CNKSR3: variants seen among roughly 807,000 people sequenced by gnomAD.
CNKSR3 encodes the protein connector enhancer of kinase suppressor of ras 3.
A neutral mutation model predicts 67.7 loss-of-function variants in CNKSR3; 36 were observed. That is an observed-to-expected ratio of 0.53 (90% CI 0.41 to 0.70). The LOEUF is 0.70. CNKSR3 is among the 30% of genes least tolerant of loss of function. The pLI, the probability that CNKSR3 is intolerant of heterozygous loss-of-function variation, is 0.00. For missense variants in CNKSR3, 630 were observed against 695.2 expected (o/e 0.91, Z 1.05); for synonymous variants, 281 against 271.4 (o/e 1.04, Z -0.35).
intron 1 of CNKSR3, among the ~76,000 whole-genome samples, chr6:154,465,870 A>C (rs887304364): frequency 3.3e-5 from 5 of 152,174 alleles, no homozygotes; most frequent in African/African-American, 1.2e-4. Flanking sequence ...TAACACTCAA[A>C]AATACAGGTG....
In CNKSR3 at chr6:154,404,730, G is replaced by A. The variant is rs9479835; in HGVS notation, c.*1624C>T. On this transcript the variant is annotated 3_prime_UTR_variant, in exon 13 of 13. Transcript: ENST00000607772. ...ACCTATAATCCCAGCTACATGGGAG[G>A]CTGAGGCAGGAGAATCGCTTGAACC... 0.068 allele frequency: 10,406 copies of A among 152,430 alleles called. 574 individuals carry two copies. The highest frequency in any genetic ancestry group is 0.2 in the Admixed American group (3,115 of 15,280). The allele number at this position is 152,430 out of a possible 1,614,324, so 9.4% of individuals were successfully genotyped here.
rs950807425 is a variant in CNKSR3 at position 154,394,045 on chromosome 6, G to A, written c.*12309C>T. The A allele has an allele frequency of 3.3e-5, 5 of 152,076 alleles. No homozygotes were observed. The highest frequency in any genetic ancestry group is 7.3e-5 in the Non-Finnish European group (5 of 68,034). 9.4% of individuals were successfully genotyped at this position (152,076 alleles called of 1,614,324 possible). A position where few individuals can be genotyped will look rare whatever the true frequency, so the allele number is the denominator to read the frequency against. On this transcript the variant is annotated 3_prime_UTR_variant, in exon 13 of 13. Coordinates refer to ENST00000607772, the MANE Select transcript of CNKSR3 (RefSeq NM_173515.4). ...ATTTCTTTTCTTTTGTGAGATGAGGGTTTTGCTTTGTCATCCAGACTGGAG... is the reference window on the plus strand; with the variant it reads ...ATTTCTTTTCTTTTGTGAGATGAGGATTTTGCTTTGTCATCCAGACTGGAG...
intron 2 of CNKSR3, among the ~76,000 whole-genome samples, chr6:154,445,967 C>G (rs1358645427): frequency 2.6e-5 from 4 of 152,170 alleles, no homozygotes; most frequent in Non-Finnish European, 5.9e-5. Flanking sequence ...GGATTATTGA[C>G]TTAAGTGCCC....
chr6:154,488,377 T>C (rs941618604), intron 1 of CNKSR3, among the ~76,000 whole-genome samples: 1 of 152,248 alleles, frequency 6.6e-6, no homozygotes, highest in African/African-American at 2.4e-5. Flanking sequence ...ACATTTGTAC[T>C]TTTTTATTTC....
chr6:154,510,063 C>G lies in CNKSR3; in HGVS notation c.52G>C (p.Gly18Arg). 3 of 1,614,036 alleles carry G rather than the reference C, an allele frequency of 1.9e-6. No individual in the cohort carries two copies. Among genetic ancestry groups the G allele is most frequent in the Non-Finnish European group, 2.5e-6 (3 of 1,179,972 alleles). ...CCGGACCCCCCCAAGGCCCGCGCAC[C>G]TCTAGTCCAGTCCACCACTTGTTTG... Reference protein sequence around the residue: ...SPKQVVDWTRGLDDCLQQYVH... With the variant: ...SPKQVVDWTRRLDDCLQQYVH... Residue 18 changes from glycine to arginine, a missense_variant and splice_region_variant, in exon 1 of 13, where the codon GGG becomes CGG. Physicochemically the swap from Gly to Arg is moderately radical, Grantham distance 125. This residue lies in a region of CNKSR3 where 189 missense variants were observed against 205.0 expected (regional missense o/e 0.92). Transcript: ENST00000607772.
chr6:154,448,095 G>A (rs902267020), intron 2 of CNKSR3, among the ~76,000 whole-genome samples: 1 of 152,040 alleles, frequency 6.6e-6, no homozygotes, highest in African/African-American at 2.4e-5. Flanking sequence ...GGTCTACAAA[G>A]GAAATTAGAA....
chr6:154,509,793 C>A (rs1787177210), intron 1 of CNKSR3, among the ~76,000 whole-genome samples: 1 of 152,204 alleles, frequency 6.6e-6, no homozygotes, highest in Non-Finnish European at 1.5e-5. Flanking sequence ...ATCCCCAGCC[C>A]TCAACCGCCA....
intron 9 of CNKSR3, among the ~76,000 whole-genome samples, chr6:154,417,112 A>G (rs548753228): frequency 6.6e-6 from 1 of 152,168 alleles, no homozygotes; most frequent in South Asian, 2.1e-4. Flanking sequence ...AATACCTAAC[A>G]TCTCTTCCTT....
At chr6:154,494,442 A>G (rs1189449932) in intron 1 of CNKSR3, among the ~76,000 whole-genome samples, 3 of 152,214 alleles carry the variant, frequency 2.0e-5, no homozygotes, top group African/African-American at 7.2e-5. Context: ...AACTGTATCA[A>G]TGGGGTTTGT....
chr6:154,460,771 C>T (rs1247888404), intron 1 of CNKSR3, among the ~76,000 whole-genome samples: 2 of 152,206 alleles, frequency 1.3e-5, no homozygotes, highest in Non-Finnish European at 1.5e-5. Context: ...TTCATGCTTA[C>T]GCTGAATGAA....
rs1471857441 is a variant in CNKSR3, at chr6:154,398,117, G to C, written c.*8237C>G. 1.3e-5 allele frequency: 2 copies of C among 152,306 alleles called. No homozygotes were observed. The highest frequency in any genetic ancestry group is 4.8e-5 in the African/African-American group (2 of 41,454). 9.4% of individuals were successfully genotyped at this position (152,306 alleles called of 1,614,324 possible). A position where few individuals can be genotyped will look rare whatever the true frequency, so the allele number is the denominator to read the frequency against. ...GGAGGACACAATCACAAGAGCCAAA[G>C]CAGGGAAGGGGCAGGGAAAAAGTGG... On this transcript the variant is annotated 3_prime_UTR_variant, in exon 13 of 13. Transcript: ENST00000607772.
intron 1 of CNKSR3, among the ~76,000 whole-genome samples, chr6:154,481,206 T>C (rs1786560169): frequency 6.6e-6 from 1 of 152,180 alleles, no homozygotes; most frequent in Non-Finnish European, 1.5e-5. Context: ...ATTTATTTGA[T>C]AGCAGTCTTA....
At chr6:154,437,589 T>A (rs1280979017) in intron 4 of CNKSR3, among the ~76,000 whole-genome samples, 1 of 152,002 alleles carries the variant, frequency 6.6e-6, no homozygotes, top group Non-Finnish European at 1.5e-5. Context: ...GTGATTTTTG[T>A]ATTTTTAGTA....
chr6:154,434,479 C>T (rs9397719), intron 4 of CNKSR3, among the ~76,000 whole-genome samples: 60,790 of 152,006 alleles, frequency 0.4, 12,693 homozygotes, highest in Non-Finnish European at 0.47. Flanking sequence ...AGATTTTTCA[C>T]GTCAATCAAA....
At chr6:154,456,979 T>C (rs1785973880) in intron 1 of CNKSR3, among the ~76,000 whole-genome samples, 1 of 152,124 alleles carries the variant, frequency 6.6e-6, no homozygotes. Flanking sequence ...GGGGTACATT[T>C]ACACCTGACC....
intron 1 of CNKSR3, among the ~76,000 whole-genome samples, chr6:154,484,773 C>G (rs1786634968): frequency 6.6e-6 from 1 of 151,966 alleles, no homozygotes. Context: ...TCCCCCTCCC[C>G]CAAAGAAAAT....
intron 1 of CNKSR3, among the ~76,000 whole-genome samples, chr6:154,457,211 C>T (rs1785978316): frequency 6.6e-6 from 1 of 152,114 alleles, no homozygotes; most frequent in Non-Finnish European, 1.5e-5. Context: ...GGGAGCAAGG[C>T]TGATGTCAGG....
At chr6:154,460,303 C>CA (rs1786051914) in intron 1 of CNKSR3, among the ~76,000 whole-genome samples, 1 of 152,118 alleles carries the variant, frequency 6.6e-6, no homozygotes, top group South Asian at 2.1e-4. Context: ...GCTCCTCCCT[C>CA]AAAAAACAAT....
At chr6:154,428,671 AC>A (rs1355904384) in intron 6 of CNKSR3, among the ~76,000 whole-genome samples, 1 of 146,862 alleles carries the variant, frequency 6.8e-6, no homozygotes, top group Non-Finnish European at 1.5e-5. Context: ...GGTGTGTGCT[AC>A]CACACCCAGC....
Sources: allele counts gnomAD v4.1 joint callset (sites outside exome capture counted in the v4.1 genomes callset), GRCh38; gene constraint gnomAD v4.1.1; regional missense constraint gnomAD v4.1.1; transcripts MANE v1.5; gene names NCBI Gene and HGNC (gene_info 2026-07-23, HGNC 2026-07-21).